Variants in RALGAPA1 observed in about 807,000 individuals in gnomAD.
RALGAPA1 encodes the protein Ral GTPase activating protein catalytic subunit alpha 1, also known as ral GTPase-activating protein subunit alpha-1.
RALGAPA1 carries 52 observed loss-of-function variants against 269.6 expected under a neutral mutation model. The observed-to-expected ratio is 0.19, with a 90% CI of 0.15 to 0.24. The LOEUF (loss-of-function observed/expected upper bound fraction) is 0.24, where lower values mean the gene tolerates loss of function less well. Among genes scored for constraint, RALGAPA1 ranks in the 10% least tolerant of loss-of-function variants. The pLI, the probability that RALGAPA1 is intolerant of heterozygous loss-of-function variation, is 1.00. For missense variants in RALGAPA1, 1,917 were observed against 3,013.9 expected, an observed-to-expected ratio of 0.64 and a Z score of 8.52; for synonymous variants, 817 against 1,008.3, an observed-to-expected ratio of 0.81 and a Z score of 3.60.
chr14:35,697,661 T>G (rs1034649410), intron 17 of RALGAPA1, among the ~76,000 whole-genome samples: 1 of 152,036 alleles, frequency 6.6e-6, no homozygotes, highest in Non-Finnish European at 1.5e-5. Context: ...GTTTTGTTTT[T>G]TTTTTTAACA....
Position 35,809,216 on chromosome 14 carries a change from A to C in RALGAPA1, c.-381T>G. 2 of 221,466 alleles carry C rather than the reference A, an allele frequency of 9.0e-6. No homozygotes were observed. Among genetic ancestry groups the C allele is most frequent in the Non-Finnish European group, 8.8e-6 (1 of 113,754 alleles). The allele number at this position is 221,466 out of a possible 1,614,324, so 13.7% of individuals were successfully genotyped here. A position where few individuals can be genotyped will look rare whatever the true frequency, so the allele number is the denominator to read the frequency against. ...TGGAGCTCTCGGCGGCAGGAGCACAACTCTCTCCCTGAGGCCCCCTTAAGG... is the reference window on the plus strand; with the variant it reads ...TGGAGCTCTCGGCGGCAGGAGCACACCTCTCTCCCTGAGGCCCCCTTAAGG... On this transcript the variant is annotated 5_prime_UTR_variant, in exon 1 of 42. Coordinates refer to ENST00000680220, the MANE Select transcript of RALGAPA1 (RefSeq NM_001346249.2).
At chr14:35,775,391 C>G (rs2074944769) in intron 2 of RALGAPA1, among the ~76,000 whole-genome samples, 1 of 152,058 alleles carries the variant, frequency 6.6e-6, no homozygotes, top group South Asian at 2.1e-4. Flanking sequence ...AATGAGGGAA[C>G]AAATCAACCT....
At chr14:35,612,820 G>T (rs973820975) in intron 35 of RALGAPA1, among the ~76,000 whole-genome samples, 1 of 152,004 alleles carries the variant, frequency 6.6e-6, no homozygotes, top group African/African-American at 2.4e-5. Flanking sequence ...TTACAGGTGT[G>T]AGCCACCGTG....
At chr14:35,658,501 C>T (rs189593347) in intron 28 of RALGAPA1, among the ~76,000 whole-genome samples, 265 of 152,060 alleles carry the variant, frequency 1.7e-3, no homozygotes, top group Non-Finnish European at 2.9e-3. Flanking sequence ...TTAGAATTAG[C>T]ATCAAGAATA....
At chr14:35,792,613 T>A (rs1209520354) in intron 1 of RALGAPA1, among the ~76,000 whole-genome samples, 1 of 151,498 alleles carries the variant, frequency 6.6e-6, no homozygotes, top group African/African-American at 2.4e-5. Flanking sequence ...CGAAACCCCA[T>A]CTCTATTAAA....
At chr14:35,680,781 A>AT (rs1260127997) in intron 21 of RALGAPA1, among the ~76,000 whole-genome samples, 2 of 151,150 alleles carry the variant, frequency 1.3e-5, no homozygotes, top group Non-Finnish European at 3.0e-5. Flanking sequence ...CGCCCGGCTA[A>AT]TTTTTTGTAT....
At chr14:35,729,688 GAA>G (rs2070291174) in intron 12 of RALGAPA1, among the ~76,000 whole-genome samples, 1 of 152,188 alleles carries the variant, frequency 6.6e-6, no homozygotes, top group Non-Finnish European at 1.5e-5. Context: ...AGTACAGAGT[GAA>G]GTAAACCAGG....
chr14:35,557,098 A>ATGTATG (rs374430279), intron 39 of RALGAPA1, among the ~76,000 whole-genome samples: 4 of 142,430 alleles, frequency 2.8e-5, no homozygotes, highest in Non-Finnish European at 4.6e-5. Flanking sequence ...TCCAATATGT[A>ATGTATG]TGTGTGTGTG....
chr14:35,695,431 T>C (rs1390398205), intron 17 of RALGAPA1, among the ~76,000 whole-genome samples: 1 of 152,206 alleles, frequency 6.6e-6, no homozygotes, highest in African/African-American at 2.4e-5. Flanking sequence ...CTGTGAGACA[T>C]ACTATTTTAT....
At chr14:35,718,813 A>C (rs2069095531) in intron 16 of RALGAPA1, among the ~76,000 whole-genome samples, 1 of 151,564 alleles carries the variant, frequency 6.6e-6, no homozygotes, top group South Asian at 2.1e-4. Context: ...TCAAAAAATA[A>C]ATAAATAAAT....
intron 36 of RALGAPA1, among the ~76,000 whole-genome samples, chr14:35,600,057 C>T (rs2059178569): frequency 6.6e-6 from 1 of 151,502 alleles, no homozygotes; most frequent in Non-Finnish European, 1.5e-5. Context: ...TCAGCACTTT[C>T]TTCAAGTATT....
intron 4 of RALGAPA1, chr14:35,766,056 G>A (rs748924621): frequency 7.5e-7 from 1 of 1,340,860 alleles, no homozygotes; most frequent in Non-Finnish European, 1.1e-6. Context: ...AAGCTCAGGT[G>A]GGAGTGCAGT....
intron 4 of RALGAPA1, among the ~76,000 whole-genome samples, chr14:35,767,377 T>C (rs1166112064): frequency 6.6e-6 from 1 of 152,098 alleles, no homozygotes; most frequent in Non-Finnish European, 1.5e-5. Flanking sequence ...TAATATTCTA[T>C]GGTTACATCT....
intron 16 of RALGAPA1, among the ~76,000 whole-genome samples, chr14:35,716,942 G>A (rs908604145): frequency 2.0e-5 from 3 of 152,092 alleles, no homozygotes; most frequent in African/African-American, 7.2e-5. Context: ...TAATCTGTAA[G>A]AGAATCCTTG....
chr14:35,572,478 T>G (rs952241771), intron 38 of RALGAPA1, 82 bp downstream of exon 38: 2 of 1,143,580 alleles, frequency 1.7e-6, no homozygotes, highest in African/African-American at 3.1e-5. Context: ...ACTCCAAATT[T>G]TATTCTGTAA....
At chr14:35,583,753 T>C (rs2058098241) in intron 37 of RALGAPA1, among the ~76,000 whole-genome samples, 1 of 152,144 alleles carries the variant, frequency 6.6e-6, no homozygotes, top group African/African-American at 2.4e-5. Context: ...AAAAATTACT[T>C]CTGATGTCTC....
chr14:35,561,547 C>T (rs1257238428), intron 39 of RALGAPA1, among the ~76,000 whole-genome samples: 2 of 115,378 alleles, frequency 1.7e-5, no homozygotes, highest in African/African-American at 3.2e-5. Context: ...CAGAGTCTTA[C>T]ACTGTTGCCC....
chr14:35,797,675 G>A (rs923057789), intron 1 of RALGAPA1, among the ~76,000 whole-genome samples: 2 of 151,554 alleles, frequency 1.3e-5, no homozygotes, highest in Admixed American at 1.3e-4. Context: ...GAGAAGCCCC[G>A]TGTCTACTTA....
rs1005505420 is a variant in RALGAPA1, at chr14:35,762,809, A to C, written c.326-56T>G. 2.7e-6 allele frequency: 3 copies of C among 1,098,060 alleles called. No individual in the cohort carries two copies. In the African/African-American group the frequency reaches 4.7e-5, roughly 17 times the overall value. The allele number at this position is 1,098,060 out of a possible 1,614,324, so 68.0% of individuals were successfully genotyped here. A position where few individuals can be genotyped will look rare whatever the true frequency, so the allele number is the denominator to read the frequency against. ...CATCTTATCTATTTGTAAATGTCAG[A>C]GTTCTCGGTCGGACTTGAAAACACT... On this transcript the variant is annotated intron_variant, in intron 4 of 41. Coordinates refer to ENST00000680220, the MANE Select transcript of RALGAPA1 (RefSeq NM_001346249.2).
Sources: gnomAD v4.1 joint callset for allele counts (sites outside exome capture counted in the v4.1 genomes callset) on GRCh38, gnomAD v4.1.1 for gene constraint, MANE v1.5 for transcripts, NCBI Gene and HGNC (gene_info 2026-07-23, HGNC 2026-07-21) for gene names.